MRPL1: variants seen among roughly 807,000 people sequenced by gnomAD.
MRPL1 encodes the protein mitochondrial ribosomal protein L1.
Under a neutral mutation model 38.0 loss-of-function variants are expected in MRPL1, and 28 were observed. That is an observed-to-expected ratio of 0.74 (90% confidence interval 0.55 to 1.01). The LOEUF is 1.01. Ranked by LOEUF, MRPL1 falls within the 50% of genes least tolerant of loss-of-function variation. The pLI is 0.00. For missense variants in MRPL1, 358 were observed against 389.8 expected, an observed-to-expected ratio of 0.92 and a Z score of 0.69; for synonymous variants, 123 against 126.7, an observed-to-expected ratio of 0.97 and a Z score of 0.20.
At chr4:77,863,101 AC>A in intron 1 of MRPL1, 1 of 589,434 alleles carries the variant, frequency 1.7e-6, no homozygotes, top group Non-Finnish European at 2.9e-6. Context: ...TGGGAGCGGG[AC>A]GTACATCGAG....
At chr4:77,882,098 T>C (rs1735554035) in intron 2 of MRPL1, among the ~76,000 whole-genome samples, 1 of 152,190 alleles carries the variant, frequency 6.6e-6, no homozygotes, top group Non-Finnish European at 1.5e-5. Flanking sequence ...ATATTTGCAC[T>C]ACAGTGGCAG....
chr4:77,894,510 G>A (rs572801010), intron 6 of MRPL1, among the ~76,000 whole-genome samples: 20 of 152,038 alleles, frequency 1.3e-4, no homozygotes, highest in South Asian at 4.2e-4. Context: ...CCAATTAGTG[G>A]AATGTATTAT....
At chr4:77,869,277 G>A (rs186653823) in intron 1 of MRPL1, among the ~76,000 whole-genome samples, 85 of 152,306 alleles carry the variant, frequency 5.6e-4, no homozygotes, top group African/African-American at 2.0e-3. Flanking sequence ...TTTTGAGAAT[G>A]AGTGCTGGAT....
chr4:77,916,393 T>A (rs931858025), intron 7 of MRPL1, among the ~76,000 whole-genome samples: 1 of 152,156 alleles, frequency 6.6e-6, no homozygotes, highest in Non-Finnish European at 1.5e-5. Context: ...TTTTAATTAA[T>A]ATATGTACAT....
At chr4:77,885,718 T>G (rs1168886422) in intron 4 of MRPL1, among the ~76,000 whole-genome samples, 5 of 152,136 alleles carry the variant, frequency 3.3e-5, no homozygotes, top group African/African-American at 1.2e-4. Context: ...TATTAACCAA[T>G]CATTAGCACC....
At chr4:77,906,981 T>C (rs759700708) in intron 6 of MRPL1, 30 of 985,172 alleles carry the variant, frequency 3.0e-5, no homozygotes, top group Admixed American at 1.8e-4. Flanking sequence ...CTTTCACTTA[T>C]AGCTGTAGTG....
intron 7 of MRPL1, among the ~76,000 whole-genome samples, chr4:77,913,363 A>G (rs1736334608): frequency 6.6e-6 from 1 of 152,166 alleles, no homozygotes; most frequent in Non-Finnish European, 1.5e-5. Flanking sequence ...ACACCTCACT[A>G]TGGAGATATA....
chr4:77,924,751 T>A (rs1736671997), intron 7 of MRPL1, among the ~76,000 whole-genome samples: 1 of 152,214 alleles, frequency 6.6e-6, no homozygotes, highest in Non-Finnish European at 1.5e-5. Flanking sequence ...TCAAGAAAAA[T>A]TTATGGTACA....
chr4:77,914,631 A>G (rs755823324), intron 7 of MRPL1, among the ~76,000 whole-genome samples: 2 of 152,108 alleles, frequency 1.3e-5, no homozygotes, highest in Non-Finnish European at 2.9e-5. Context: ...TTTAGAAATG[A>G]TTTTACAGCA....
At chr4:77,900,275 C>G (rs1360946703) in intron 6 of MRPL1, among the ~76,000 whole-genome samples, 1 of 152,150 alleles carries the variant, frequency 6.6e-6, no homozygotes, top group Non-Finnish European at 1.5e-5. Flanking sequence ...TATGTGCCAG[C>G]TGACTACACT....
intron 5 of MRPL1, among the ~76,000 whole-genome samples, chr4:77,892,427 C>T (rs537042630): frequency 1.3e-5 from 2 of 152,254 alleles, no homozygotes; most frequent in African/African-American, 4.8e-5. Context: ...AGCCACCGCA[C>T]CACGTAGTAA....
intron 7 of MRPL1, among the ~76,000 whole-genome samples, chr4:77,924,429 T>G (rs1339458666): frequency 6.6e-6 from 1 of 152,192 alleles, no homozygotes. Flanking sequence ...TAATTACTGT[T>G]TCTTATGACT....
At chr4:77,899,804 T>C (rs1056372572) in intron 6 of MRPL1, among the ~76,000 whole-genome samples, 1 of 152,098 alleles carries the variant, frequency 6.6e-6, no homozygotes, top group Non-Finnish European at 1.5e-5. Flanking sequence ...AAGAAGAGCC[T>C]AAAAACACAG....
At chr4:77,876,670 A>G (rs1357131438) in intron 2 of MRPL1, among the ~76,000 whole-genome samples, 1 of 152,192 alleles carries the variant, frequency 6.6e-6, no homozygotes, top group East Asian at 1.9e-4. Flanking sequence ...ACACTAAAAA[A>G]TATTTTTTTC....
chr4:77,933,103 C>A (rs756348834), intron 7 of MRPL1, among the ~76,000 whole-genome samples: 15 of 152,092 alleles, frequency 9.9e-5, no homozygotes, highest in Non-Finnish European at 2.9e-5. Context: ...GCGCTCCACA[C>A]GTGGCTAATT....
chr4:77,874,532 G>C (rs1252182105), intron 2 of MRPL1, among the ~76,000 whole-genome samples: 1 of 152,070 alleles, frequency 6.6e-6, no homozygotes, highest in Admixed American at 6.5e-5. Context: ...AAATAGAATT[G>C]TTGGGTCAAA....
At chr4:77,877,841 C>T (rs1207803227) in intron 2 of MRPL1, among the ~76,000 whole-genome samples, 1 of 151,598 alleles carries the variant, frequency 6.6e-6, no homozygotes, top group Non-Finnish European at 1.5e-5. Context: ...CTTCTTTCTC[C>T]CTTCCATCGT....
chr4:77,931,279 T>C (rs1409068816), intron 7 of MRPL1, among the ~76,000 whole-genome samples: 1 of 152,268 alleles, frequency 6.6e-6, no homozygotes, highest in African/African-American at 2.4e-5. Flanking sequence ...GCATCATTCT[T>C]AGTGGCTAAC....
intron 7 of MRPL1, among the ~76,000 whole-genome samples, chr4:77,930,028 G>A (rs1736809406): frequency 6.6e-6 from 1 of 152,166 alleles, no homozygotes; most frequent in African/African-American, 2.4e-5. Flanking sequence ...GTAAATAATA[G>A]CAGGTTGGGA....
Sources: allele counts gnomAD v4.1 joint callset (sites outside exome capture counted in the v4.1 genomes callset), GRCh38; gene constraint gnomAD v4.1.1; transcripts MANE v1.5; gene names NCBI Gene and HGNC (gene_info 2026-07-23, HGNC 2026-07-21).